GLIS3: variants seen among roughly 807,000 people sequenced by gnomAD.
The protein encoded by GLIS3 is zinc finger protein GLIS3.
GLIS3 carries 53 observed loss-of-function variants against 78.6 expected under a neutral mutation model. The observed-to-expected ratio is 0.67, with a 90% confidence interval of 0.54 to 0.85. The LOEUF (loss-of-function observed/expected upper bound fraction) is 0.85. GLIS3 is among the 40% of genes least tolerant of loss of function. The pLI, the probability that GLIS3 is intolerant of heterozygous loss-of-function variation, is 0.00. For synonymous variants in GLIS3, 684 were observed against 509.9 expected (o/e 1.34, Z -4.60); for missense variants, 1,703 against 1,231.1 (o/e 1.38, Z -5.74).
intron 2 of GLIS3, among the ~76,000 whole-genome samples, chr9:4,189,823 C>CT (rs60376826): frequency 0.03 from 4,553 of 150,772 alleles, 217 homozygotes; most frequent in African/African-American, 0.1. Flanking sequence ...CAACCCCTGC[C>CT]TTTTTTTTTG....
chr9:4,379,433 G>T, the GLIS3 span, among the ~76,000 whole-genome samples: 1 of 152,202 alleles, frequency 6.6e-6, no homozygotes, highest in African/African-American at 2.4e-5. Context: ...GACTCTAAAT[G>T]CCTCTGGATT....
At chr9:4,181,088 T>C (rs1297246805) in intron 2 of GLIS3, among the ~76,000 whole-genome samples, 1 of 152,204 alleles carries the variant, frequency 6.6e-6, no homozygotes, top group Non-Finnish European at 1.5e-5. Flanking sequence ...TACTCTAAGA[T>C]GAGCAGATGC....
chr9:4,234,877 C>T (rs573248207), intron 2 of GLIS3, among the ~76,000 whole-genome samples: 7 of 152,254 alleles, frequency 4.6e-5, no homozygotes, highest in South Asian at 2.1e-4. Context: ...CCTCTTAGTC[C>T]AAGCTCTTTG....
At chr9:3,863,713 G>C (rs1001432996) in intron 8 of GLIS3, among the ~76,000 whole-genome samples, 1 of 152,242 alleles carries the variant, frequency 6.6e-6, no homozygotes, top group African/African-American at 2.4e-5. Flanking sequence ...ATGAGTGAGT[G>C]AGTGTGAGAA....
intron 9 of GLIS3, among the ~76,000 whole-genome samples, chr9:3,848,124 C>T (rs536261357): frequency 6.6e-6 from 1 of 152,178 alleles, no homozygotes; most frequent in Non-Finnish European, 1.5e-5. Context: ...TGACTTACTG[C>T]TTTATTATTT....
chr9:3,856,209 A>G (rs1019213425), intron 8 of GLIS3, 25 bp from the exon 9 acceptor site: 2 of 1,600,182 alleles, frequency 1.2e-6, no homozygotes, highest in South Asian at 1.1e-5. Flanking sequence ...ATAAAAGGAA[A>G]CATGAGGGAC....
intron 2 of GLIS3, among the ~76,000 whole-genome samples, chr9:4,157,979 T>C (rs1043306436): frequency 3.3e-5 from 5 of 152,234 alleles, no homozygotes; most frequent in African/African-American, 9.6e-5. Context: ...AACGGATGTA[T>C]ATATTGCAAG....
In GLIS3 at chr9:4,138,276, A is replaced by C. The variant is rs1386365045; in HGVS notation, c.389-12335T>G. On this transcript the variant is annotated intron_variant, in intron 2 of 10. Transcript: ENST00000381971. ...TATTGTCATGGGAGAAAACTGCCTC[A>C]GTTTCCCAAAGACACATTTACTGGG... 4.6e-5 allele frequency among the ~76,000 whole-genome samples: 7 copies of C among 152,344 alleles called. 1 individual carries two copies. The South Asian group carries it at 1.0e-3, about 23-fold the overall frequency.
chr9:4,488,748 C>T, the GLIS3 span, among the ~76,000 whole-genome samples: 1 of 152,156 alleles, frequency 6.6e-6, no homozygotes, highest in Non-Finnish European at 1.5e-5. Flanking sequence ...GAACTCTTGA[C>T]CTCAAGTGAT....
chr9:4,400,577 A>G, the GLIS3 span, among the ~76,000 whole-genome samples: 1 of 151,950 alleles, frequency 6.6e-6, no homozygotes, highest in Non-Finnish European at 1.5e-5. Context: ...ACCAGAGAAG[A>G]CTCCTTTCCT....
chr9:4,282,135 C>T (rs1376080010), intron 2 of GLIS3, among the ~76,000 whole-genome samples: 1 of 152,204 alleles, frequency 6.6e-6, no homozygotes, highest in African/African-American at 2.4e-5. Flanking sequence ...TAACCTTTCT[C>T]CGTACACAGC....
chr9:4,140,633 T>C (rs1833739102), intron 2 of GLIS3, among the ~76,000 whole-genome samples: 1 of 152,170 alleles, frequency 6.6e-6, no homozygotes, highest in Non-Finnish European at 1.5e-5. Flanking sequence ...ATAGGCCAGA[T>C]ACCCTTTCCT....
intron 9 of GLIS3, among the ~76,000 whole-genome samples, chr9:3,838,746 A>AAAAGG (rs150598224): frequency 2.0e-5 from 3 of 151,634 alleles, no homozygotes; most frequent in African/African-American, 2.4e-5. Context: ...ATGGGAAAGG[A>AAAAGG]AAAGGGACAG....
the GLIS3 span, among the ~76,000 whole-genome samples, chr9:4,418,662 G>A: frequency 1.3e-5 from 2 of 152,034 alleles, no homozygotes; most frequent in African/African-American, 2.4e-5. Flanking sequence ...TCACGCCACT[G>A]CACTCCAGCC....
At chr9:4,121,604 G>C (rs1378187045) in intron 3 of GLIS3, among the ~76,000 whole-genome samples, 1 of 142,854 alleles carries the variant, frequency 7.0e-6, no homozygotes, top group Non-Finnish European at 1.5e-5. Flanking sequence ...ACAGGGTTTG[G>C]GAAATTTCTC....
intron 9 of GLIS3, among the ~76,000 whole-genome samples, chr9:3,842,912 C>T (rs1372970106): frequency 6.6e-6 from 1 of 152,144 alleles, no homozygotes; most frequent in Non-Finnish European, 1.5e-5. Context: ...TGGGCAGGCT[C>T]CCAGCCCTTT....
At position 4,021,819 on chromosome 9, in the gene GLIS3, C is replaced by T. The variant is rs75781757; in HGVS notation, c.1711-84630G>A. On this transcript the variant is annotated intron_variant, in intron 4 of 10. Transcript: ENST00000381971. ...CCAGCATGTGACCAGCTGGGCTTCA[C>T]CAGGGGAATTCACAAAGCAATAGTT... 1.6e-4 allele frequency among the ~76,000 whole-genome samples: 25 copies of T among 152,248 alleles called. No homozygotes were observed. The East Asian group carries it at 3.9e-3, about 23-fold the overall frequency.
Position 3,861,879 on chromosome 9 carries a change from T to C in GLIS3, c.2298-5695A>G, listed in dbSNP as rs1820235595. The stretch of plus-strand genomic sequence containing the variant: ...GGTTGATAGGCACAGCAAACCGCCA[T>C]GGCACATGTTTACTTCTGTAACAAA... On this transcript the variant is annotated intron_variant, in intron 8 of 10. Coordinates refer to ENST00000381971, the MANE Select transcript of GLIS3 (RefSeq NM_001042413.2). Among the ~76,000 whole-genome samples, 4 of 152,198 alleles carry C rather than the reference T, an allele frequency of 2.6e-5. No individual in the cohort carries two copies. The South Asian group carries it at 8.3e-4, about 31-fold the overall frequency.
intron 4 of GLIS3, among the ~76,000 whole-genome samples, chr9:3,964,198 C>T (rs1817763476): frequency 6.6e-6 from 1 of 152,148 alleles, no homozygotes; most frequent in Non-Finnish European, 1.5e-5. Context: ...ATCATAAATG[C>T]TATGTATCTC....
Sources: gnomAD v4.1 joint callset for allele counts (sites outside exome capture counted in the v4.1 genomes callset) on GRCh38, gnomAD v4.1.1 for gene constraint, MANE v1.5 for transcripts, NCBI Gene and HGNC (gene_info 2026-07-23, HGNC 2026-07-21) for gene names.